The following MBNL2 variants were observed in gnomAD, a reference collection of about 807,000 sequenced individuals.
MBNL2 encodes the protein muscleblind like splicing regulator 2, also known as muscleblind-like protein 2.
Under a neutral mutation model 41.9 loss-of-function variants are expected in MBNL2, and 17 were observed. The observed-to-expected ratio is 0.41, with a 90% CI of 0.28 to 0.61. The LOEUF (loss-of-function observed/expected upper bound fraction) is 0.61, where lower values mean the gene tolerates loss of function less well. Ranked by LOEUF, MBNL2 falls within the 20% of genes least tolerant of loss-of-function variation. The pLI, the probability that MBNL2 is intolerant of heterozygous loss-of-function variation, is 0.35. For synonymous variants in MBNL2, 195 were observed against 182.9 expected (o/e 1.07, Z -0.53); for missense variants, 336 against 505.6 (o/e 0.66, Z 3.22).
chr13:97,325,729 CAAAAAT>C (rs1215516846), intron 2 of MBNL2, among the ~76,000 whole-genome samples: 2 of 152,054 alleles, frequency 1.3e-5, no homozygotes, highest in African/African-American at 4.8e-5. Context: ...GACCCTGTTT[CAAAAAT>C]AAAAATAAAA....
At chr13:97,322,869 G>A (rs2059618383) in intron 2 of MBNL2, among the ~76,000 whole-genome samples, 1 of 152,174 alleles carries the variant, frequency 6.6e-6, no homozygotes, top group Non-Finnish European at 1.5e-5. Flanking sequence ...TTTACCATAA[G>A]TAACCTCCCA....
At chr13:97,371,707 C>G (rs1273571035) in intron 8 of MBNL2, among the ~76,000 whole-genome samples, 2 of 152,162 alleles carry the variant, frequency 1.3e-5, no homozygotes, top group Admixed American at 6.5e-5. Context: ...AGAGCCTAAA[C>G]TGGGACAATG....
chr13:97,380,588 T>C (rs910994463), intron 8 of MBNL2, among the ~76,000 whole-genome samples: 1 of 152,166 alleles, frequency 6.6e-6, no homozygotes, highest in Non-Finnish European at 1.5e-5. Context: ...TAGTTCCTGC[T>C]CTCATGGGTC....
At chr13:97,363,842 C>G (rs140567910) in intron 7 of MBNL2, among the ~76,000 whole-genome samples, 1 of 152,052 alleles carries the variant, frequency 6.6e-6, no homozygotes, top group Non-Finnish European at 1.5e-5. Context: ...TTAGCTTGAT[C>G]GAAATGTAGT....
the MBNL2 span, among the ~76,000 whole-genome samples, chr13:97,150,507 G>A: frequency 2.0e-5 from 3 of 152,272 alleles, no homozygotes; most frequent in South Asian, 2.1e-4. Context: ...TAAAATTTCA[G>A]GAAGTTAAAG....
chr13:97,230,515 G>A (rs956553350), intron 1 of MBNL2, among the ~76,000 whole-genome samples: 3 of 152,310 alleles, frequency 2.0e-5, no homozygotes, highest in Middle Eastern at 3.4e-3. Flanking sequence ...TGTTGAAGCC[G>A]TAGTTGAAGC....
intron 2 of MBNL2, among the ~76,000 whole-genome samples, chr13:97,329,694 A>G (rs1204066148): frequency 0.033 from 4 of 122 alleles, no homozygotes; most frequent in East Asian, 0.17. Flanking sequence ...CACACACAAT[A>G]CACACACATG....
intron 2 of MBNL2, among the ~76,000 whole-genome samples, chr13:97,281,295 T>C (rs2053370181): frequency 7.2e-5 from 11 of 152,214 alleles, no homozygotes; most frequent in Admixed American, 5.9e-4. Context: ...GTGGACAACC[T>C]GTACAGACAT....
intron 1 of MBNL2, among the ~76,000 whole-genome samples, chr13:97,270,983 G>A (rs986454914): frequency 6.6e-6 from 1 of 152,096 alleles, no homozygotes; most frequent in Non-Finnish European, 1.5e-5. Flanking sequence ...AGAAAGAGTG[G>A]ATTCATGAGA....
intron 7 of MBNL2, 140 bp from the exon 8 acceptor site, chr13:97,364,996 G>A: frequency 1.3e-6 from 1 of 750,756 alleles, no homozygotes; most frequent in Non-Finnish European, 2.5e-6. Context: ...CTGACAATGT[G>A]AATGGCCCTA....
chr13:97,288,544 C>T (rs1038734597), intron 2 of MBNL2, among the ~76,000 whole-genome samples: 1 of 152,164 alleles, frequency 6.6e-6, no homozygotes, highest in Non-Finnish European at 1.5e-5. Flanking sequence ...CGGAAAATGC[C>T]AAGGTCTAAA....
chr13:97,215,590 C>T, the MBNL2 span, among the ~76,000 whole-genome samples: 1 of 152,134 alleles, frequency 6.6e-6, no homozygotes, highest in East Asian at 1.9e-4. Context: ...GATAGGCATG[C>T]TACAATCCAT....
At chr13:97,198,605 G>A in the MBNL2 span, among the ~76,000 whole-genome samples, 1 of 151,724 alleles carries the variant, frequency 6.6e-6, no homozygotes, top group African/African-American at 2.4e-5. Flanking sequence ...GACTTAACAG[G>A]TCTTTAATCA....
At chr13:97,271,423 GATTT>G (rs34646186) in intron 1 of MBNL2, among the ~76,000 whole-genome samples, 7 of 149,372 alleles carry the variant, frequency 4.7e-5, no homozygotes, top group African/African-American at 1.5e-4. Flanking sequence ...CACTTTTTAA[GATTT>G]ATTTATTTAT....
chr13:97,147,659 G>A, the MBNL2 span, among the ~76,000 whole-genome samples: 1 of 152,154 alleles, frequency 6.6e-6, no homozygotes, highest in African/African-American at 2.4e-5. Context: ...AAAATCTAGG[G>A]AGGAAAGAAA....
intron 2 of MBNL2, among the ~76,000 whole-genome samples, chr13:97,287,716 C>CT (rs1194900218): frequency 2.2e-5 from 3 of 133,948 alleles, no homozygotes; most frequent in Admixed American, 7.4e-5. Context: ...CTTTTCTTTT[C>CT]TTTTCTTTTT....
chr13:97,253,993 G>T (rs1430714505), intron 1 of MBNL2, among the ~76,000 whole-genome samples: 1 of 152,038 alleles, frequency 6.6e-6, no homozygotes. Context: ...GGGTTCAAGC[G>T]ATTCTCCTGC....
At chr13:97,347,205 T>C in intron 5 of MBNL2, 138 bp downstream of exon 5, 1 of 686,906 alleles carries the variant, frequency 1.5e-6, no homozygotes, top group Non-Finnish European at 2.3e-6. Context: ...TAAGTTTTGC[T>C]GTTGTTTTCC....
At chr13:97,240,141 A>G (rs187394719) in intron 1 of MBNL2, among the ~76,000 whole-genome samples, 2 of 152,170 alleles carry the variant, frequency 1.3e-5, no homozygotes, top group Admixed American at 1.3e-4. Flanking sequence ...CATGATTCTG[A>G]CTCGGGGAGT....
Sources: gnomAD v4.1 joint callset for allele counts (sites outside exome capture counted in the v4.1 genomes callset) on GRCh38, gnomAD v4.1.1 for gene constraint, MANE v1.5 for transcripts, NCBI Gene and HGNC (gene_info 2026-07-23, HGNC 2026-07-21) for gene names.